Variants in RAD51B observed in about 807,000 individuals in gnomAD.
The protein encoded by RAD51B is DNA repair protein RAD51 homolog 2.
A neutral mutation model predicts 42.2 loss-of-function variants in RAD51B; 38 were observed. The ratio of observed to expected loss-of-function variants is 0.90; its 90% CI spans 0.70 to 1.18. The LOEUF (loss-of-function observed/expected upper bound fraction) is 1.18. Ranked by LOEUF, RAD51B falls within the 50% of genes most tolerant of loss-of-function variation. The probability of loss-of-function intolerance (pLI) is 0.00; values close to 1 mark genes in which losing one functional copy is unlikely to be tolerated. For missense variants in RAD51B, 373 were observed against 400.7 expected, an observed-to-expected ratio of 0.93 and a Z score of 0.59; for synonymous variants, 154 against 145.2, an observed-to-expected ratio of 1.06 and a Z score of -0.43.
At chr14:68,616,546 A>G (rs1481793163), downstream of RAD51B, among the ~76,000 whole-genome samples, 2 of 151,990 alleles carry the variant, frequency 1.3e-5, no homozygotes, top group African/African-American at 4.8e-5. Flanking sequence ...ATTTATTATG[A>G]TGTACTTTGG....
In RAD51B at chr14:67,929,112, ATTTCT is replaced by A. The variant is rs147544185; in HGVS notation, c.756+41915_756+41919del. On this transcript the variant is annotated intron_variant, in intron 7 of 10. Transcript: ENST00000471583. ...ATTTAGTTCTGCTCTGATCTTTATT[ATTTCT>A]TTTCTTCTGCTAATTTTTGGTTTTC... Among the ~76,000 whole-genome samples the A allele has an allele frequency of 8.1e-3, 1,219 of 151,424 alleles. 11 individuals are homozygous for A. The highest frequency in any genetic ancestry group is 0.028 in the African/African-American group (1,143 of 41,262).
intron 7 of RAD51B, among the ~76,000 whole-genome samples, chr14:67,915,026 C>T (rs1332626861): frequency 6.6e-6 from 1 of 152,022 alleles, no homozygotes; most frequent in Non-Finnish European, 1.5e-5. Context: ...AGCTAAACAT[C>T]GGGTATTCAT....
At chr14:68,072,137 A>C (rs2076760676) in intron 7 of RAD51B, among the ~76,000 whole-genome samples, 1 of 136,228 alleles carries the variant, frequency 7.3e-6, no homozygotes, top group South Asian at 2.2e-4. Flanking sequence ...ATATATAATT[A>C]TATATATATT....
intron 10 of RAD51B, among the ~76,000 whole-genome samples, chr14:68,546,598 T>C (rs574362352): frequency 7.9e-5 from 12 of 152,172 alleles, no homozygotes; most frequent in African/African-American, 2.9e-4. Context: ...CTTTTGGTGA[T>C]AAACGAAGCC....
At chr14:68,551,098 C>T (rs1490630452) in intron 10 of RAD51B, among the ~76,000 whole-genome samples, 1 of 152,164 alleles carries the variant, frequency 6.6e-6, no homozygotes, top group East Asian at 1.9e-4. Context: ...AAATTCCATT[C>T]TTCCGGAGGC....
intron 10 of RAD51B, among the ~76,000 whole-genome samples, chr14:68,547,622 C>T (rs1445677003): frequency 6.6e-6 from 1 of 152,154 alleles, no homozygotes; most frequent in Non-Finnish European, 1.5e-5. Context: ...GTTCCTTGGC[C>T]CTGTCTCTTT....
At chr14:68,606,536 A>C (rs1891453709) in intron 10 of RAD51B, among the ~76,000 whole-genome samples, 1 of 152,054 alleles carries the variant, frequency 6.6e-6, no homozygotes, top group African/African-American at 2.4e-5. Context: ...AAAATATCTG[A>C]GTGTAGAAAT....
intron 7 of RAD51B, among the ~76,000 whole-genome samples, chr14:68,167,917 C>T (rs1341029257): frequency 6.6e-6 from 1 of 152,072 alleles, no homozygotes; most frequent in Non-Finnish European, 1.5e-5. Context: ...TATACTTTAA[C>T]TTTATCTCTA....
intron 9 of RAD51B, among the ~76,000 whole-genome samples, chr14:68,444,329 A>G (rs1026227027): frequency 6.6e-6 from 1 of 152,208 alleles, no homozygotes; most frequent in African/African-American, 2.4e-5. Context: ...ATTCAGGGAC[A>G]TTTCTAGAGC....
chr14:68,422,191 G>A, intron 9 of RAD51B: 1 of 1,112,650 alleles, frequency 9.0e-7, no homozygotes, highest in Non-Finnish European at 1.4e-6. Flanking sequence ...TGGTGGGGTT[G>A]ACCATGGCTA....
intron 10 of RAD51B, among the ~76,000 whole-genome samples, chr14:68,491,270 G>T (rs151034917): frequency 6.6e-6 from 1 of 152,270 alleles, no homozygotes; most frequent in African/African-American, 2.4e-5. Context: ...TTGACTCTGA[G>T]ATATATGATG....
intron 9 of RAD51B, among the ~76,000 whole-genome samples, chr14:68,428,707 TTATATATA>T (rs532906803): frequency 1.4e-3 from 138 of 99,436 alleles, no homozygotes; most frequent in African/African-American, 2.6e-3. Context: ...AGGATTTTCT[TTATATATA>T]TATATATATA....
intron 7 of RAD51B, among the ~76,000 whole-genome samples, chr14:67,902,729 T>C (rs1263890586): frequency 1.3e-5 from 2 of 152,202 alleles, no homozygotes; most frequent in African/African-American, 4.8e-5. Flanking sequence ...TTTAGTACTT[T>C]ATGTTTACAG....
chr14:68,265,936 C>G (rs1056134014), intron 7 of RAD51B, among the ~76,000 whole-genome samples: 1 of 152,204 alleles, frequency 6.6e-6, no homozygotes, highest in Non-Finnish European at 1.5e-5. Flanking sequence ...ATAAATGTAG[C>G]AGCATTGGAA....
At chr14:68,464,907 G>A (rs111529707) in intron 9 of RAD51B, among the ~76,000 whole-genome samples, 31 of 152,246 alleles carry the variant, frequency 2.0e-4, no homozygotes, top group African/African-American at 6.7e-4. Context: ...TGACCTGTCC[G>A]AACTCTTTGA....
chr14:68,540,257 G>A, intron 10 of RAD51B: 1 of 1,011,616 alleles, frequency 9.9e-7, no homozygotes, highest in African/African-American at 1.8e-5. Flanking sequence ...TGAGTTCCTT[G>A]CACCCTGTTC....
At position 68,117,102 on chromosome 14, in the gene RAD51B, C is replaced by T. The variant is rs189926119; in HGVS notation, c.757-174782C>T. 4.6e-5 allele frequency among the ~76,000 whole-genome samples: 7 copies of T among 152,174 alleles called. No individual in the cohort carries two copies. The East Asian group carries it at 9.6e-4, about 21-fold the overall frequency. ...ATTAAAACATTTATTCTGTGACTTG[C>T]GCCTATATCATAGAGCGTGCTCCTG... On this transcript the variant is annotated intron_variant, in intron 7 of 10. Coordinates refer to ENST00000471583, the MANE Select transcript of RAD51B (RefSeq NM_133510.4).
At chr14:68,047,584 A>G (rs930325064) in intron 7 of RAD51B, among the ~76,000 whole-genome samples, 1 of 152,150 alleles carries the variant, frequency 6.6e-6, no homozygotes, top group Admixed American at 6.5e-5. Context: ...CGGAATAAAC[A>G]GTTTCTTGGC....
chr14:68,185,206 A>G (rs1422292758), intron 7 of RAD51B, among the ~76,000 whole-genome samples: 3 of 152,230 alleles, frequency 2.0e-5, no homozygotes, highest in African/African-American at 7.2e-5. Flanking sequence ...TAGGGTTTCT[A>G]TGAAAATCAG....
Sources: gnomAD v4.1 joint callset for allele counts (sites outside exome capture counted in the v4.1 genomes callset) on GRCh38, gnomAD v4.1.1 for gene constraint, MANE v1.5 for transcripts, NCBI Gene and HGNC (gene_info 2026-07-23, HGNC 2026-07-21) for gene names.